ANK2: variants seen among roughly 807,000 people sequenced by gnomAD.
ANK2 encodes the protein ankyrin-2.
In ANK2, 83 loss-of-function variants were observed where a neutral mutation model predicts 360.5. That is an observed-to-expected ratio of 0.23 (90% CI 0.19 to 0.28). The LOEUF (loss-of-function observed/expected upper bound fraction) is 0.28, where lower values mean the gene tolerates loss of function less well. Among genes scored for constraint, ANK2 ranks in the 10% least tolerant of loss-of-function variants. The pLI, the probability that ANK2 is intolerant of heterozygous loss-of-function variation, is 1.00. For synonymous variants in ANK2, 1,740 were observed against 1,759.5 expected, an observed-to-expected ratio of 0.99 and a Z score of 0.28; for missense variants, 4,201 against 4,795.7, an observed-to-expected ratio of 0.88 and a Z score of 3.66.
Position 112,863,323 on chromosome 4 carries a change from A to G in ANK2, c.-39-41132A>G, listed in dbSNP as rs140958067. On this transcript the variant is annotated intron_variant, in intron 1 of 30. Coordinates refer to the ANK2 transcript ENST00000503271. The stretch of plus-strand genomic sequence containing the variant: ...TAGTAGAGATGTTGGTAATTTATTT[A>G]TCTTTCAAACATTCTTATTAAAAAA... Among the ~76,000 whole-genome samples the G allele has an allele frequency of 1.2e-3, 179 of 152,180 alleles. 1 individual carries two copies. The highest frequency in any genetic ancestry group is 4.0e-3 in the African/African-American group (168 of 41,540).
the ANK2 span, among the ~76,000 whole-genome samples, chr4:112,711,288 A>T: frequency 2.0e-5 from 3 of 151,844 alleles, no homozygotes. Flanking sequence ...GTCGTTCTGC[A>T]TTATAGCCTC....
the ANK2 span, among the ~76,000 whole-genome samples, chr4:112,808,250 C>T: frequency 1.3e-5 from 2 of 152,248 alleles, no homozygotes; most frequent in South Asian, 4.2e-4. Context: ...GATCTGGGTT[C>T]CCTATTTCAA....
At chr4:113,087,429 T>G (rs564522877) in intron 1 of ANK2, among the ~76,000 whole-genome samples, 2 of 152,236 alleles carry the variant, frequency 1.3e-5, no homozygotes, top group Non-Finnish European at 2.9e-5. Context: ...TAAAGTATTC[T>G]AGACTATTTT....
At chr4:113,217,971 G>A (rs2099105631) in intron 4 of ANK2, among the ~76,000 whole-genome samples, 1 of 152,176 alleles carries the variant, frequency 6.6e-6, no homozygotes, top group African/African-American at 2.4e-5. Context: ...CTCCATCTCA[G>A]CACTGTCTGG....
At chr4:113,085,648 G>T (rs1046000136) in intron 1 of ANK2, among the ~76,000 whole-genome samples, 1 of 152,078 alleles carries the variant, frequency 6.6e-6, no homozygotes, top group African/African-American at 2.4e-5. Context: ...GTCAAAACAT[G>T]TTAAGCAAGA....
At chr4:112,940,936 A>G (rs1171301223) in intron 2 of ANK2, among the ~76,000 whole-genome samples, 1 of 152,054 alleles carries the variant, frequency 6.6e-6, no homozygotes, top group African/African-American at 2.4e-5. Flanking sequence ...TTAAAAACTT[A>G]ACATCTATGG....
intron 2 of ANK2, among the ~76,000 whole-genome samples, chr4:112,916,439 T>C (rs185519841): frequency 9.9e-4 from 151 of 152,348 alleles, no homozygotes; most frequent in African/African-American, 3.5e-3. Flanking sequence ...ATCTAAATTA[T>C]GGTTATGAAG....
At chr4:112,973,097 C>A (rs1320540199) in intron 2 of ANK2, among the ~76,000 whole-genome samples, 1 of 150,324 alleles carries the variant, frequency 6.7e-6, no homozygotes, top group Non-Finnish European at 1.5e-5. Context: ...TAGGTGCTTT[C>A]AAAATCTCAG....
In ANK2 at chr4:112,990,627, CAAGAA is replaced by C. The variant is rs547235883; in HGVS notation, c.21+86119_21+86123del. Among the ~76,000 whole-genome samples the C allele has an allele frequency of 4.6e-5, 7 of 152,198 alleles. No homozygotes were observed. The South Asian group carries it at 1.5e-3, about 32-fold the overall frequency. ...TCATGTTTTTAAATGATAGGCATTTCAAGAAAAGAAGATACCAATTTTGAGGAGTA... is the reference window on the plus strand; with the variant it reads ...TCATGTTTTTAAATGATAGGCATTTCAAGAAGATACCAATTTTGAGGAGTA... On this transcript the variant is annotated intron_variant, in intron 2 of 30. Coordinates refer to the ANK2 transcript ENST00000503271.
intron 2 of ANK2, among the ~76,000 whole-genome samples, chr4:112,982,459 A>G (rs2043389955): frequency 6.6e-6 from 1 of 152,246 alleles, no homozygotes; most frequent in Admixed American, 6.5e-5. Flanking sequence ...TGTTCTCAAC[A>G]AATGAAACTT....
chr4:112,890,556 G>GGT (rs2079667304), intron 1 of ANK2, among the ~76,000 whole-genome samples: 2 of 67,456 alleles, frequency 3.0e-5, no homozygotes, highest in Admixed American at 4.3e-4. Flanking sequence ...CATTTCTGTG[G>GGT]TTTTTTTTTT....
At chr4:112,783,400 T>C in the ANK2 span, among the ~76,000 whole-genome samples, 47,578 of 152,114 alleles carry the variant, frequency 0.31, 7,588 homozygotes, top group East Asian at 0.35. Flanking sequence ...CAGTGTCATG[T>C]GGTTTAACCC....
At chr4:112,917,049 T>C (rs2090059517) in intron 2 of ANK2, among the ~76,000 whole-genome samples, 1 of 152,198 alleles carries the variant, frequency 6.6e-6, no homozygotes, top group Non-Finnish European at 1.5e-5. Context: ...GAAACGCATA[T>C]GCAAAGGCAG....
At chr4:112,863,581 G>A (rs1190562020) in intron 1 of ANK2, among the ~76,000 whole-genome samples, 1 of 138,680 alleles carries the variant, frequency 7.2e-6, no homozygotes, top group Non-Finnish European at 1.5e-5. Flanking sequence ...GGAGTGCAGT[G>A]GCGCGATCTC....
the ANK2 span, among the ~76,000 whole-genome samples, chr4:112,707,271 G>A: frequency 4.6e-5 from 7 of 152,192 alleles, no homozygotes; most frequent in African/African-American, 1.4e-4. Flanking sequence ...CAGTAAAATT[G>A]ATTGATGCCT....
At chr4:113,258,596 G>GT (rs1430931980) in intron 13 of ANK2, among the ~76,000 whole-genome samples, 185 bp downstream of exon 13, 1 of 152,158 alleles carries the variant, frequency 6.6e-6, no homozygotes, top group Non-Finnish European at 1.5e-5. Context: ...CCTGGATAGG[G>GT]TAAGAGGTGT....
chr4:112,826,900 T>G (rs1353013528), intron 1 of ANK2: 10 of 1,517,698 alleles, frequency 6.6e-6, no homozygotes, highest in Non-Finnish European at 8.2e-6. Context: ...GGGGTCAACC[T>G]TAATGAAGAA....
chr4:113,301,666 AC>A (rs2075093795), intron 22 of ANK2, among the ~76,000 whole-genome samples: 1 of 152,146 alleles, frequency 6.6e-6, no homozygotes, highest in African/African-American at 2.4e-5. Context: ...CCTGGTCACC[AC>A]CAGGTGTCTA....
At chr4:113,236,901 T>C (rs2099388087) in intron 5 of ANK2, 86 bp from the exon 6 acceptor site, 1 of 1,341,578 alleles carries the variant, frequency 7.5e-7, no homozygotes, top group Admixed American at 1.7e-5. Flanking sequence ...ATCTTGATCA[T>C]TAAAGATTAG....
Sources: gnomAD v4.1 joint callset for allele counts (sites outside exome capture counted in the v4.1 genomes callset) on GRCh38, gnomAD v4.1.1 for gene constraint, MANE v1.5 for transcripts, NCBI Gene and HGNC (gene_info 2026-07-23, HGNC 2026-07-21) for gene names.